The following ARHGAP23 variants were observed in gnomAD, a reference collection of about 807,000 sequenced individuals.
The protein encoded by ARHGAP23 is Rho GTPase activating protein 23.
Under a neutral mutation model 136.3 loss-of-function variants are expected in ARHGAP23, and 34 were observed. The ratio of observed to expected loss-of-function variants is 0.25; its 90% CI spans 0.19 to 0.33. The LOEUF (loss-of-function observed/expected upper bound fraction) is 0.33. ARHGAP23 is among the 10% of genes least tolerant of loss of function. The pLI is 1.00. For missense variants in ARHGAP23, 1,808 were observed against 2,139.0 expected (o/e 0.85, Z 3.05); for synonymous variants, 832 against 920.5 (o/e 0.90, Z 1.74).
In ARHGAP23 at chr17:38,510,269, G is replaced by T; in HGVS notation, c.3773G>T (p.Arg1258Leu). 1.5e-6 allele frequency: 2 copies of T among 1,302,136 alleles called. No individual in the cohort carries two copies. Among genetic ancestry groups the T allele is most frequent in the Non-Finnish European group, 1.9e-6 (2 of 1,026,468 alleles). 80.7% of individuals were successfully genotyped at this position (1,302,136 alleles called of 1,614,324 possible). A position where few individuals can be genotyped will look rare whatever the true frequency, so the allele number is the denominator to read the frequency against. Residue 1258 changes from arginine (R) to leucine (L), a missense_variant, in exon 24 of 24, where the codon CGC becomes CTC. Physicochemically the swap from Arg to Leu is moderately radical, Grantham distance 102 (BLOSUM62 -2). Coordinates refer to ENST00000622683, the MANE Select transcript of ARHGAP23 (RefSeq NM_001199417.2). The surrounding 1 kb of genome is among the most constrained non-coding windows in gnomAD (Gnocchi z 4.6). ...TACTCCACCCTGTCCACCATGGACC[G>T]CAGCGTGTGCTCGGGCGCTAGCGGT... is the stretch of plus-strand genomic sequence containing the variant. ...SGYSTLSTMD[R>L]SVCSGASGRR... is the part of the protein sequence containing the mutation.
chr17:38,479,598 G>A, intron 13 of ARHGAP23, 101 bp downstream of exon 13: 1 of 1,439,270 alleles, frequency 6.9e-7, no homozygotes, highest in Non-Finnish European at 9.5e-7. Flanking sequence ...GCCCTCTGCT[G>A]GGGGAAGGGG....
chr17:38,429,717 G>T (rs151064648), intron 1 of ARHGAP23, among the ~76,000 whole-genome samples: 2 of 152,068 alleles, frequency 1.3e-5, no homozygotes, highest in Non-Finnish European at 1.5e-5. Context: ...ACGGGGGGTG[G>T]GGGTGGAGGT....
chr17:38,438,608 G>T (rs912669314), intron 1 of ARHGAP23, among the ~76,000 whole-genome samples: 2 of 152,112 alleles, frequency 1.3e-5, no homozygotes, highest in African/African-American at 4.8e-5. Context: ...CCACACAAGG[G>T]TCTCGGGCAG....
chr17:38,459,896 G>A (rs1412367327), intron 2 of ARHGAP23, among the ~76,000 whole-genome samples: 1 of 152,212 alleles, frequency 6.6e-6, no homozygotes, highest in Non-Finnish European at 1.5e-5. Flanking sequence ...CTCCCCAGAA[G>A]GGCCCAGCAG....
At chr17:38,450,132 G>A (rs1249074382) in intron 1 of ARHGAP23, among the ~76,000 whole-genome samples, 3 of 152,312 alleles carry the variant, frequency 2.0e-5, no homozygotes, top group South Asian at 2.1e-4. Flanking sequence ...GTTTGTGGGG[G>A]TCTCCCTTGG....
intron 23 of ARHGAP23, among the ~76,000 whole-genome samples, chr17:38,503,670 C>T (rs1033440375): frequency 6.6e-6 from 1 of 152,244 alleles, no homozygotes; most frequent in African/African-American, 2.4e-5. Flanking sequence ...GCTTGAAATT[C>T]CTTCCTCCTG....
At chr17:38,470,838 C>T (rs1029437020) in intron 10 of ARHGAP23, among the ~76,000 whole-genome samples, 1 of 151,938 alleles carries the variant, frequency 6.6e-6, no homozygotes, top group Admixed American at 6.5e-5. Context: ...CACCTGGCCT[C>T]AAATGATTTT....
intron 2 of ARHGAP23, among the ~76,000 whole-genome samples, chr17:38,459,681 C>T (rs976330199): frequency 2.6e-5 from 4 of 152,246 alleles, no homozygotes; most frequent in African/African-American, 9.6e-5. Context: ...CTCTCCTTTC[C>T]AGAACCTGCC....
chr17:38,422,423 A>C (rs960489195), intron 1 of ARHGAP23, among the ~76,000 whole-genome samples: 2 of 152,142 alleles, frequency 1.3e-5, no homozygotes, highest in Non-Finnish European at 2.9e-5. Context: ...ACACTCACTC[A>C]TACACAGGGT....
At chr17:38,436,256 C>G (rs1207101383) in intron 1 of ARHGAP23, among the ~76,000 whole-genome samples, 1 of 152,220 alleles carries the variant, frequency 6.6e-6, no homozygotes, top group African/African-American at 2.4e-5. Flanking sequence ...AACAGCCCCT[C>G]TTCCTTCCCC....
intron 23 of ARHGAP23, among the ~76,000 whole-genome samples, chr17:38,503,740 A>T (rs955574081): frequency 1.3e-5 from 2 of 152,170 alleles, no homozygotes; most frequent in Non-Finnish European, 2.9e-5. Flanking sequence ...TTAACCTGGG[A>T]ACTCCTGCAG....
intron 1 of ARHGAP23, chr17:38,450,440 G>A (rs1042568471): frequency 6.6e-6 from 1 of 151,896 alleles, no homozygotes; most frequent in South Asian, 2.1e-4. Context: ...TTTTGGGACA[G>A]GGTCTCACTC....
At chr17:38,422,996 C>T (rs1005185947) in intron 1 of ARHGAP23, among the ~76,000 whole-genome samples, 6 of 152,122 alleles carry the variant, frequency 3.9e-5, no homozygotes, top group African/African-American at 4.8e-5. Flanking sequence ...TAGGACAAAC[C>T]CTGCCTGCCT....
intron 1 of ARHGAP23, among the ~76,000 whole-genome samples, chr17:38,431,164 C>T (rs375513973): frequency 1.3e-5 from 2 of 152,310 alleles, no homozygotes; most frequent in African/African-American, 2.4e-5. Flanking sequence ...CACCCCAAAT[C>T]CGTGTCCATT....
intron 10 of ARHGAP23, 39 bp downstream of exon 10, chr17:38,469,943 G>C: frequency 6.5e-7 from 1 of 1,549,284 alleles, no homozygotes; most frequent in East Asian, 2.4e-5. Context: ...CAGGAGCGAG[G>C]GTGTGGGGAG....
chr17:38,468,118 G>A (rs1302645880), intron 7 of ARHGAP23, among the ~76,000 whole-genome samples: 3 of 152,224 alleles, frequency 2.0e-5, no homozygotes, highest in Non-Finnish European at 4.4e-5. Flanking sequence ...TTTATCAGGG[G>A]AAGAATATTC....
intron 11 of ARHGAP23, among the ~76,000 whole-genome samples, chr17:38,474,718 A>G (rs1240211301): frequency 6.6e-6 from 1 of 152,010 alleles, no homozygotes; most frequent in Non-Finnish European, 1.5e-5. Context: ...AGGGGCTTGA[A>G]GGAAGAAGGC....
chr17:38,482,767 G>T, intron 16 of ARHGAP23, 89 bp downstream of exon 16: 1 of 1,362,346 alleles, frequency 7.3e-7, no homozygotes, highest in Non-Finnish European at 1.0e-6. Flanking sequence ...CTATTGTGTT[G>T]CATGCATTGT....
intron 1 of ARHGAP23, among the ~76,000 whole-genome samples, chr17:38,420,908 T>A (rs1015550247): frequency 6.6e-6 from 1 of 152,010 alleles, no homozygotes; most frequent in Admixed American, 6.5e-5. Flanking sequence ...TTACGTTACG[T>A]GAATTTCACC....
Sources: allele counts gnomAD v4.1 joint callset (sites outside exome capture counted in the v4.1 genomes callset), GRCh38; gene constraint gnomAD v4.1.1; non-coding constraint Gnocchi (gnomAD v3.1); transcripts MANE v1.5; gene names NCBI Gene and HGNC (gene_info 2026-07-23, HGNC 2026-07-21).